EFCAB13: variants seen among roughly 807,000 people sequenced by gnomAD.
The protein encoded by EFCAB13 is EF-hand calcium binding domain 13.
In EFCAB13, 91 loss-of-function variants were observed where a neutral mutation model predicts 110.2. The ratio of observed to expected loss-of-function variants is 0.83; its 90% CI spans 0.70 to 0.98. The LOEUF (loss-of-function observed/expected upper bound fraction) is 0.98, where lower values mean the gene tolerates loss of function less well. Among genes scored for constraint, EFCAB13 ranks in the 50% least tolerant of loss-of-function variants. The probability of loss-of-function intolerance (pLI) is 0.00; values close to 1 mark genes in which losing one functional copy is unlikely to be tolerated. For missense variants in EFCAB13, 968 were observed against 1,119.4 expected, an observed-to-expected ratio of 0.86 and a Z score of 1.93; for synonymous variants, 323 against 369.9, an observed-to-expected ratio of 0.87 and a Z score of 1.45.
chr17:47,382,311 A>G (rs2065651286), intron 14 of EFCAB13, among the ~76,000 whole-genome samples: 2 of 152,204 alleles, frequency 1.3e-5, no homozygotes, highest in South Asian at 4.1e-4. Context: ...AACAGAGGCA[A>G]TTGGACTTCC....
At chr17:47,361,656 A>G in intron 10 of EFCAB13, 135 bp downstream of exon 10, 1 of 646,786 alleles carries the variant, frequency 1.5e-6, no homozygotes, top group Non-Finnish European at 2.4e-6. Context: ...TGCCATTGAC[A>G]CTGTTTACTG....
intron 7 of EFCAB13, among the ~76,000 whole-genome samples, chr17:47,344,601 A>C (rs1288705155): frequency 6.6e-6 from 1 of 152,146 alleles, no homozygotes; most frequent in Non-Finnish European, 1.5e-5. Flanking sequence ...TGATTTCAGC[A>C]ATTTACATGT....
chr17:47,342,810 G>A (rs1433531209), intron 6 of EFCAB13, among the ~76,000 whole-genome samples: 3 of 151,596 alleles, frequency 2.0e-5, no homozygotes, highest in Non-Finnish European at 4.4e-5. Flanking sequence ...CATATTTTTT[G>A]TCTATTCTGT....
intron 11 of EFCAB13, among the ~76,000 whole-genome samples, chr17:47,371,876 A>C (rs1331136575): frequency 6.6e-6 from 1 of 152,118 alleles, no homozygotes; most frequent in Non-Finnish European, 1.5e-5. Context: ...AGCCTCCCAA[A>C]GTGCTGGGAT....
chr17:47,339,218 C>G (rs934474667), intron 5 of EFCAB13, among the ~76,000 whole-genome samples: 2 of 152,006 alleles, frequency 1.3e-5, no homozygotes, highest in Non-Finnish European at 2.9e-5. Flanking sequence ...GAGTATGTGT[C>G]TTCTCTTCTA....
Position 47,412,613 on chromosome 17 carries a change from G to A in EFCAB13, c.2279-160G>A, listed in dbSNP as rs564197453. On this transcript the variant is annotated intron_variant, in intron 21 of 24. Coordinates refer to ENST00000331493, the MANE Select transcript of EFCAB13 (RefSeq NM_152347.5). ...TTTTAGTTTCAAGTGCTGCTTGAGG[G>A]AAGTGGGCCATCAGTTACAAATAGA... Among the ~76,000 whole-genome samples the A allele has an allele frequency of 1.1e-4, 16 of 152,286 alleles. No individual in the cohort carries two copies. The South Asian group carries it at 3.1e-3, about 30-fold the overall frequency.
chr17:47,411,815 G>A (rs1396310289), intron 21 of EFCAB13, among the ~76,000 whole-genome samples: 2 of 152,168 alleles, frequency 1.3e-5, no homozygotes, highest in Admixed American at 1.3e-4. Flanking sequence ...AATTAGGCTG[G>A]GTTTGGTGTC....
rs768651772 is a variant in EFCAB13, at chr17:47,335,150, T to G, written c.31-46T>G. On this transcript the variant is annotated intron_variant, in intron 4 of 24. Transcript: ENST00000331493. ...GACCCAGAATGTCATATTTAATATG[T>G]ATGTGCAAAGAGGACATGCTTGATT... is the stretch of plus-strand genomic sequence containing the variant. 157 of 1,500,156 alleles carry G rather than the reference T, an allele frequency of 1.0e-4. No homozygotes were observed. In the Middle Eastern group the frequency reaches 5.2e-3, roughly 49 times the overall value. The allele number at this position is 1,500,156 out of a possible 1,614,324, so 92.9% of individuals were successfully genotyped here. A position where few individuals can be genotyped will look rare whatever the true frequency, so the allele number is the denominator to read the frequency against.
At chr17:47,415,717 A>G (rs1217538127) in intron 23 of EFCAB13, among the ~76,000 whole-genome samples, 1 of 152,156 alleles carries the variant, frequency 6.6e-6, no homozygotes, top group Non-Finnish European at 1.5e-5. Flanking sequence ...TCACAACTGG[A>G]CTGCCCATCT....
chr17:47,370,922 G>C (rs1016101005), intron 11 of EFCAB13, among the ~76,000 whole-genome samples: 3 of 151,440 alleles, frequency 2.0e-5, no homozygotes, highest in African/African-American at 7.3e-5. Context: ...TGTATTTTTA[G>C]TAGAGAGAGG....
chr17:47,429,364 T>C (rs916485359), intron 23 of EFCAB13, among the ~76,000 whole-genome samples: 1 of 152,198 alleles, frequency 6.6e-6, no homozygotes, highest in Non-Finnish European at 1.5e-5. Flanking sequence ...TGAAGTAATA[T>C]GTGGCTCAAG....
intron 10 of EFCAB13, among the ~76,000 whole-genome samples, chr17:47,363,739 C>T (rs2143325899): frequency 6.6e-6 from 1 of 152,252 alleles, no homozygotes; most frequent in South Asian, 2.1e-4. Context: ...AATAATCAGA[C>T]ATGACATCTT....
At chr17:47,342,129 A>C in intron 6 of EFCAB13, 97 bp downstream of exon 6, 2 of 678,056 alleles carry the variant, frequency 2.9e-6, no homozygotes, top group Non-Finnish European at 5.1e-6. Context: ...TTGAAATGTC[A>C]CAGTCTTAAA....
intron 20 of EFCAB13, among the ~76,000 whole-genome samples, chr17:47,405,505 TATTTTTG>T (rs2065800753): frequency 6.6e-6 from 1 of 152,258 alleles, no homozygotes; most frequent in South Asian, 2.1e-4. Flanking sequence ...TTTTCTAGTT[TATTTTTG>T]ATTTTTTGAC....
Position 47,429,938 on chromosome 17 carries a change from T to A in EFCAB13, c.2615T>A (p.Met872Lys). Reference sequence around the variant, plus strand: ...ACAGCTAATGCTATACTTACTGTAATGTTAAGACATGTACCTGAACATGGT... The same window carrying A: ...ACAGCTAATGCTATACTTACTGTAAAGTTAAGACATGTACCTGAACATGGT... ...LHTANAILTVMLRHVPEHESG... is the reference protein window; with the variant it reads ...LHTANAILTVKLRHVPEHESG... The change falls in exon 24 of 25, where the codon ATG (methionine) becomes AAG (lysine). Residue 872 changes from methionine (M) to lysine (K), a missense_variant. Transcript: ENST00000331493. 1.2e-6 allele frequency: 2 copies of A among 1,607,498 alleles called. No individual in the cohort carries two copies. The highest frequency in any genetic ancestry group is 1.7e-6 in the Non-Finnish European group (2 of 1,175,976).
intron 4 of EFCAB13, among the ~76,000 whole-genome samples, chr17:47,334,417 T>G (rs894496006): frequency 6.6e-6 from 1 of 152,238 alleles, no homozygotes; most frequent in African/African-American, 2.4e-5. Flanking sequence ...GTCCTTTCAT[T>G]GTCTTGATAT....
chr17:47,364,300 T>C (rs1158710397), intron 10 of EFCAB13, among the ~76,000 whole-genome samples: 1 of 152,108 alleles, frequency 6.6e-6, no homozygotes, highest in Non-Finnish European at 1.5e-5. Context: ...ATATATAAGA[T>C]AGATATCTCT....
chr17:47,404,691 C>T (rs1316580334), intron 20 of EFCAB13, 58 bp downstream of exon 20: 2 of 1,356,684 alleles, frequency 1.5e-6, no homozygotes, highest in African/African-American at 1.5e-5. Context: ...ATTCAAAGTT[C>T]ACCTAGTAAA....
At chr17:47,329,482 T>C (rs945715796) in intron 4 of EFCAB13, among the ~76,000 whole-genome samples, 6 of 152,336 alleles carry the variant, frequency 3.9e-5, no homozygotes, top group African/African-American at 1.4e-4. Context: ...TGCTGAGATA[T>C]GTACTTTATA....
Sources: allele counts gnomAD v4.1 joint callset (sites outside exome capture counted in the v4.1 genomes callset), GRCh38; gene constraint gnomAD v4.1.1; transcripts MANE v1.5; gene names NCBI Gene and HGNC (gene_info 2026-07-23, HGNC 2026-07-21).